The following RAPGEF1 variants were observed in gnomAD, a reference collection of about 807,000 sequenced individuals.
The protein encoded by RAPGEF1 is Rap guanine nucleotide exchange factor 1.
Under a neutral mutation model 143.3 loss-of-function variants are expected in RAPGEF1, and 33 were observed. That is an observed-to-expected ratio of 0.23 (90% CI 0.17 to 0.31). The LOEUF is 0.31. Among genes scored for constraint, RAPGEF1 ranks in the 10% least tolerant of loss-of-function variants. RAPGEF1 has a pLI of 1.00. For missense variants in RAPGEF1, 1,199 were observed against 1,645.4 expected (o/e 0.73, Z 4.69); for synonymous variants, 629 against 676.5 (o/e 0.93, Z 1.09).
In RAPGEF1 at chr9:131,675,583, C is replaced by A. The variant is rs1427177304; in HGVS notation, c.62-24634G>T. Among the ~76,000 whole-genome samples, 1 of 152,242 alleles carries A rather than the reference C, an allele frequency of 6.6e-6. No homozygotes were observed. Among genetic ancestry groups the A allele is most frequent in the African/African-American group, 2.4e-5 (1 of 41,456 alleles). ...GTCTAGATAAAAATGAATTCCCCAA[C>A]CATGTCTTACAGCAAATTGCCACAA... On this transcript the variant is annotated intron_variant, in intron 1 of 26. Coordinates refer to ENST00000683357, the MANE Select transcript of RAPGEF1 (RefSeq NM_001377935.1). This position sits in a 1 kb window ranked among gnomAD's most constrained non-coding sequence, Gnocchi z 4.6.
At chr9:131,709,799 CG>C in intron 1 of RAPGEF1, 1 of 1,499,302 alleles carries the variant, frequency 6.7e-7, no homozygotes, top group Non-Finnish European at 8.9e-7. Flanking sequence ...AACCACCCAG[CG>C]GCAGAACCCA....
Position 131,579,337 on chromosome 9 carries a change from G to A in RAPGEF1, c.*160C>T. ...CAGAGGAAGGAGGCAGGAAGCGGCT[G>A]GCAGGCTCCAGCTCCCGCCCGGCCC... On this transcript the variant is annotated 3_prime_UTR_variant, in exon 27 of 27. Transcript: ENST00000683357. 2.0e-6 allele frequency: 2 copies of A among 998,566 alleles called. No individual in the cohort carries two copies. Among genetic ancestry groups the A allele is most frequent in the Non-Finnish European group, 2.9e-6 (2 of 680,236 alleles). The allele number at this position is 998,566 out of a possible 1,614,324, so 61.9% of individuals were successfully genotyped here. A position where few individuals can be genotyped will look rare whatever the true frequency, so the allele number is the denominator to read the frequency against.
intron 1 of RAPGEF1, among the ~76,000 whole-genome samples, chr9:131,658,602 G>C (rs1973151551): frequency 6.6e-6 from 1 of 152,072 alleles, no homozygotes; most frequent in Admixed American, 6.5e-5. Context: ...CACTTTCTTG[G>C]GCAACCATCG....
At chr9:131,713,843 C>T (rs1182732501) in intron 1 of RAPGEF1, among the ~76,000 whole-genome samples, 1 of 152,076 alleles carries the variant, frequency 6.6e-6, no homozygotes, top group Admixed American at 6.6e-5. Context: ...ACAGCAGATA[C>T]TCAATGAGAA....
intron 6 of RAPGEF1, 31 bp from the exon 7 acceptor site, chr9:131,629,285 G>C: frequency 1.2e-6 from 2 of 1,603,632 alleles, no homozygotes; most frequent in Non-Finnish European, 1.7e-6. Context: ...TGGGGTTACA[G>C]AAGGTCAAAG....
chr9:131,582,537 C>G, intron 25 of RAPGEF1, 68 bp downstream of exon 25: 1 of 1,155,706 alleles, frequency 8.7e-7, no homozygotes, highest in Non-Finnish European at 1.2e-6. Flanking sequence ...TGGAGCCTGA[C>G]AGATCTTCCC....
chr9:131,739,729 C>T, intron 1 of RAPGEF1, 41 bp downstream of exon 1: 3 of 1,088,534 alleles, frequency 2.8e-6, no homozygotes, highest in South Asian at 2.7e-5. Context: ...GCCCCAGGGC[C>T]GGGCCCGGCC....
intron 18 of RAPGEF1, 28 bp from the exon 19 acceptor site, chr9:131,590,006 T>C: frequency 6.3e-7 from 1 of 1,597,166 alleles, no homozygotes; most frequent in South Asian, 1.1e-5. Context: ...GAAATAGCCA[T>C]GTGGTCGGCT....
chr9:131,661,942 T>C (rs938049862), intron 1 of RAPGEF1, among the ~76,000 whole-genome samples: 2 of 152,246 alleles, frequency 1.3e-5, no homozygotes, highest in Non-Finnish European at 2.9e-5. Context: ...TCCCTTACTG[T>C]ATGAAAAATT....
At chr9:131,660,253 C>T (rs113506959) in intron 1 of RAPGEF1, among the ~76,000 whole-genome samples, 31 of 152,284 alleles carry the variant, frequency 2.0e-4, no homozygotes, top group African/African-American at 6.3e-4. Context: ...TTATGAAAAT[C>T]CATTCCTACT....
intron 1 of RAPGEF1, among the ~76,000 whole-genome samples, chr9:131,724,463 C>T (rs547049958): frequency 4.9e-4 from 74 of 152,208 alleles, no homozygotes; most frequent in African/African-American, 1.7e-3. Context: ...GGCGTGGTGG[C>T]GGGCGCCTGT....
chr9:131,666,382 AC>A (rs200421555), intron 1 of RAPGEF1, among the ~76,000 whole-genome samples: 3 of 150,668 alleles, frequency 2.0e-5, no homozygotes, highest in African/African-American at 4.9e-5. Context: ...TGTAATTAAA[AC>A]AAAATTTTTT....
chr9:131,737,983 A>G (rs1837531493), intron 1 of RAPGEF1, among the ~76,000 whole-genome samples: 1 of 149,662 alleles, frequency 6.7e-6, no homozygotes, highest in African/African-American at 2.5e-5. Context: ...AAAAAAAAAA[A>G]ATTTTTTTTA....
chr9:131,608,181 G>C (rs768165408), intron 12 of RAPGEF1, among the ~76,000 whole-genome samples: 2 of 152,206 alleles, frequency 1.3e-5, no homozygotes, highest in Non-Finnish European at 2.9e-5. Context: ...GACGTTCCGC[G>C]AGACGCAGAG....
intron 6 of RAPGEF1, among the ~76,000 whole-genome samples, chr9:131,629,673 C>G (rs531776236): frequency 2.6e-5 from 4 of 152,040 alleles, no homozygotes; most frequent in African/African-American, 9.6e-5. Flanking sequence ...CACCTGTAGT[C>G]CCAACTACTT....
chr9:131,630,773 G>C (rs1016277172), intron 5 of RAPGEF1, among the ~76,000 whole-genome samples: 4 of 152,182 alleles, frequency 2.6e-5, no homozygotes, highest in Non-Finnish European at 5.9e-5. Flanking sequence ...CTGCTAGCTG[G>C]TGGGGGTGGG....
chr9:131,738,334 G>A (rs984108347), intron 1 of RAPGEF1, among the ~76,000 whole-genome samples: 36 of 152,148 alleles, frequency 2.4e-4, no homozygotes, highest in Middle Eastern at 3.4e-3. Flanking sequence ...CAACAGTACC[G>A]TTCTGACAAG....
At chr9:131,589,111 C>A in intron 19 of RAPGEF1, 125 bp from the exon 20 acceptor site, 1 of 927,764 alleles carries the variant, frequency 1.1e-6, no homozygotes, top group Non-Finnish European at 1.6e-6. Flanking sequence ...GGAAATTTCT[C>A]ATGGGAAGAG....
rs1008455759 is a variant in RAPGEF1, at chr9:131,688,254, C to A, written c.62-37305G>T. 2.6e-5 allele frequency among the ~76,000 whole-genome samples: 4 copies of A among 152,208 alleles called. 1 individual carries two copies. Among genetic ancestry groups the A allele is most frequent in the African/African-American group, 9.7e-5 (4 of 41,450 alleles). On this transcript the variant is annotated intron_variant, in intron 1 of 26. Transcript: ENST00000683357. ...GCCCCCAAATCCCACAAGTTAAGAACTTCAGGAAGAACTGAAGTCAATTAT... is the reference window on the plus strand; with the variant it reads ...GCCCCCAAATCCCACAAGTTAAGAAATTCAGGAAGAACTGAAGTCAATTAT...
Sources: allele counts gnomAD v4.1 joint callset (sites outside exome capture counted in the v4.1 genomes callset), GRCh38; gene constraint gnomAD v4.1.1; non-coding constraint Gnocchi (gnomAD v3.1); transcripts MANE v1.5; gene names NCBI Gene and HGNC (gene_info 2026-07-23, HGNC 2026-07-21).